SNX6: variants seen among roughly 807,000 people sequenced by gnomAD.
SNX6 encodes sorting nexin 6.
In SNX6, 34 loss-of-function variants were observed where a neutral mutation model predicts 63.0. The observed-to-expected ratio is 0.54, with a 90% CI of 0.41 to 0.72. The LOEUF is 0.72. Ranked by LOEUF, SNX6 falls within the 30% of genes least tolerant of loss-of-function variation. The pLI, the probability that SNX6 is intolerant of heterozygous loss-of-function variation, is 0.00. For missense variants in SNX6, 398 were observed against 471.4 expected, an observed-to-expected ratio of 0.84 and a Z score of 1.44; for synonymous variants, 170 against 164.2, an observed-to-expected ratio of 1.04 and a Z score of -0.27.
chr14:34,629,725 G>C (rs996048965), intron 2 of SNX6, 182 bp downstream of exon 2: 1 of 1,023,112 alleles, frequency 9.8e-7, no homozygotes, highest in Non-Finnish European at 1.5e-6. Flanking sequence ...AATCGGAGCC[G>C]AGCGGCCCCT....
At chr14:34,626,223 T>C (rs1055907790) in intron 2 of SNX6, among the ~76,000 whole-genome samples, 4 of 152,206 alleles carry the variant, frequency 2.6e-5, no homozygotes, top group African/African-American at 9.7e-5. Flanking sequence ...TATATATCCA[T>C]CCTGATGTTC....
chr14:34,593,712 C>T (rs1054561442), intron 7 of SNX6, among the ~76,000 whole-genome samples: 3 of 150,872 alleles, frequency 2.0e-5, no homozygotes, highest in Admixed American at 6.7e-5. Flanking sequence ...GCTGAGACTA[C>T]AGGCAAGCGC....
intron 8 of SNX6, among the ~76,000 whole-genome samples, chr14:34,587,941 G>C (rs1442204593): frequency 1.3e-5 from 2 of 151,334 alleles, no homozygotes; most frequent in Non-Finnish European, 2.9e-5. Flanking sequence ...CTCTCAAGTA[G>C]CTGGGACTAC....
chr14:34,572,680 GTTTT>G (rs1324434774), intron 11 of SNX6, among the ~76,000 whole-genome samples: 1 of 148,896 alleles, frequency 6.7e-6, no homozygotes, highest in African/African-American at 2.5e-5. Context: ...TGTTTTTTTT[GTTTT>G]TTTTTGTTTT....
intron 4 of SNX6, among the ~76,000 whole-genome samples, chr14:34,607,813 CAGG>C (rs1209526993): frequency 1.3e-5 from 2 of 152,120 alleles, no homozygotes; most frequent in South Asian, 2.1e-4. Context: ...GAGGCTGAGG[CAGG>C]AGAACTGCTT....
At chr14:34,617,846 A>G (rs978614310) in intron 2 of SNX6, among the ~76,000 whole-genome samples, 3 of 151,696 alleles carry the variant, frequency 2.0e-5, no homozygotes, top group African/African-American at 7.3e-5. Context: ...ACTTGAACCC[A>G]GGAGGCAGAG....
intron 11 of SNX6, chr14:34,569,073 T>C: frequency 8.7e-7 from 1 of 1,153,730 alleles, no homozygotes; most frequent in Admixed American, 1.7e-5. Flanking sequence ...TGAGGAAGGC[T>C]GCCAGAGCTC....
chr14:34,621,122 G>T (rs1186913858), intron 2 of SNX6, among the ~76,000 whole-genome samples: 1 of 151,858 alleles, frequency 6.6e-6, no homozygotes, highest in African/African-American at 2.4e-5. Context: ...TTAATTTTTA[G>T]TTTTTGTAGA....
chr14:34,576,172 G>A (rs974887591), intron 10 of SNX6, among the ~76,000 whole-genome samples: 10 of 151,832 alleles, frequency 6.6e-5, no homozygotes, highest in South Asian at 2.1e-4. Context: ...TGATCTGCCC[G>A]CCTCAGCCTC....
At chr14:34,629,797 C>T in intron 2 of SNX6, 110 bp downstream of exon 2, 3 of 1,479,228 alleles carry the variant, frequency 2.0e-6, no homozygotes, top group South Asian at 2.6e-5. Context: ...AGGAGGACTA[C>T]GGGGAGGGAG....
chr14:34,629,140 CA>C (rs529012605), intron 2 of SNX6, among the ~76,000 whole-genome samples: 18 of 149,942 alleles, frequency 1.2e-4, no homozygotes, highest in Non-Finnish European at 2.1e-4. Context: ...TGTTCTCACA[CA>C]AAAAAAAATG....
At chr14:34,624,446 T>C (rs1310534801) in intron 2 of SNX6, among the ~76,000 whole-genome samples, 1 of 152,124 alleles carries the variant, frequency 6.6e-6, no homozygotes, top group East Asian at 1.9e-4. Flanking sequence ...CTAATCGAAA[T>C]ATCATGATGA....
chr14:34,593,618 C>A (rs1389215592), intron 7 of SNX6, among the ~76,000 whole-genome samples: 2 of 150,266 alleles, frequency 1.3e-5, no homozygotes, highest in African/African-American at 4.9e-5. Context: ...TGTCACCAGG[C>A]TGGAGTGCAG....
intron 5 of SNX6, 25 bp from the exon 6 acceptor site, chr14:34,603,496 G>C: frequency 6.6e-7 from 1 of 1,522,100 alleles, no homozygotes; most frequent in Non-Finnish European, 8.8e-7. Flanking sequence ...CAAAATTAAA[G>C]GTAAAAAACT....
chr14:34,592,127 C>T (rs1451944117), intron 8 of SNX6, among the ~76,000 whole-genome samples: 6 of 152,200 alleles, frequency 3.9e-5, no homozygotes, highest in Admixed American at 6.6e-5. Context: ...GTGGCTCACG[C>T]CTGTAATCCC....
chr14:34,610,589 TAACA>T (rs1379596425), intron 2 of SNX6, among the ~76,000 whole-genome samples: 1 of 152,190 alleles, frequency 6.6e-6, no homozygotes, highest in Non-Finnish European at 1.5e-5. Context: ...AGAAAAATAC[TAACA>T]TACAGTAAGT....
intron 11 of SNX6, among the ~76,000 whole-genome samples, chr14:34,574,619 C>CAAAAAAAAAAA (rs33959613): frequency 1.3e-5 from 1 of 79,436 alleles, no homozygotes; most frequent in East Asian, 3.8e-4. Flanking sequence ...GACTCCATCT[C>CAAAAAAAAAAA]AAAAAAAAAA....
At chr14:34,614,936 T>C (rs1041738688) in intron 2 of SNX6, among the ~76,000 whole-genome samples, 3 of 152,142 alleles carry the variant, frequency 2.0e-5, no homozygotes, top group Admixed American at 1.3e-4. Flanking sequence ...ATGTACACTT[T>C]TGCTTTCAGA....
chr14:34,569,768 G>A (rs1322137750), intron 11 of SNX6, among the ~76,000 whole-genome samples: 6 of 152,100 alleles, frequency 3.9e-5, no homozygotes, highest in Non-Finnish European at 7.3e-5. Context: ...TCACTGTATG[G>A]TTATATCACA....
Sources: allele counts gnomAD v4.1 joint callset (sites outside exome capture counted in the v4.1 genomes callset), GRCh38; gene constraint gnomAD v4.1.1; transcripts MANE v1.5; gene names NCBI Gene and HGNC (gene_info 2026-07-23, HGNC 2026-07-21).